Variants in CACNA2D1 observed in about 807,000 individuals in gnomAD.
The protein encoded by CACNA2D1 is calcium voltage-gated channel auxiliary subunit alpha2delta 1.
A neutral mutation model predicts 171.5 loss-of-function variants in CACNA2D1; 53 were observed. The observed-to-expected ratio is 0.31, with a 90% CI of 0.25 to 0.39. CACNA2D1 has a LOEUF of 0.39. CACNA2D1 is among the 10% of genes least tolerant of loss of function. The pLI is 1.00. For synonymous variants in CACNA2D1, 442 were observed against 443.1 expected (o/e 1.00, Z 0.03); for missense variants, 903 against 1,299.8 (o/e 0.69, Z 4.69).
chr7:81,998,168 T>A (rs1405725450), intron 18 of CACNA2D1, among the ~76,000 whole-genome samples: 9 of 151,966 alleles, frequency 5.9e-5, no homozygotes, highest in Admixed American at 3.9e-4. Flanking sequence ...ATGTAACATG[T>A]CATACTAAAA....
chr7:82,428,469 T>A (rs147898442), intron 1 of CACNA2D1, among the ~76,000 whole-genome samples: 56 of 152,308 alleles, frequency 3.7e-4, no homozygotes, highest in Non-Finnish European at 5.3e-4. Context: ...TTCCAGAGAT[T>A]TTCCCCTAGT....
At position 82,053,056 on chromosome 7, in the gene CACNA2D1, T is replaced by C. The variant is rs1584551808; in HGVS notation, c.879+7372A>G. Among the ~76,000 whole-genome samples the C allele has an allele frequency of 3.9e-5, 6 of 151,946 alleles. 1 individual carries two copies. The highest frequency in any genetic ancestry group is 3.9e-4 in the Admixed American group (6 of 15,250). On this transcript the variant is annotated intron_variant, in intron 10 of 38. Transcript: ENST00000356860. Reference sequence around the variant, plus strand: ...TCACAAGGTCAAGAGATTGAGACCATCCTGGCTAAGAGGGTGAAACCCCGT... The same window carrying C: ...TCACAAGGTCAAGAGATTGAGACCACCCTGGCTAAGAGGGTGAAACCCCGT...
At chr7:82,018,151 C>A (rs1278702936) in intron 12 of CACNA2D1, among the ~76,000 whole-genome samples, 1 of 152,098 alleles carries the variant, frequency 6.6e-6, no homozygotes, top group South Asian at 2.1e-4. Context: ...ATGGCTTTGA[C>A]AAATATTTTT....
chr7:82,235,769 AG>A (rs1282805895), intron 3 of CACNA2D1, among the ~76,000 whole-genome samples: 1 of 151,978 alleles, frequency 6.6e-6, no homozygotes, highest in Non-Finnish European at 1.5e-5. Flanking sequence ...TGGTGGTTGG[AG>A]GATATTTCGG....
intron 1 of CACNA2D1, among the ~76,000 whole-genome samples, chr7:82,410,224 T>A (rs1827499510): frequency 6.6e-6 from 1 of 152,176 alleles, no homozygotes; most frequent in Admixed American, 6.5e-5. Flanking sequence ...TGCAGAATTT[T>A]AGTAGAAAAA....
intron 3 of CACNA2D1, among the ~76,000 whole-genome samples, chr7:82,249,591 A>T (rs1415225259): frequency 6.6e-6 from 1 of 152,246 alleles, no homozygotes; most frequent in Non-Finnish European, 1.5e-5. Flanking sequence ...CCTCATAGTT[A>T]CAAAATGGTT....
At chr7:82,126,865 C>T (rs1584843367) in intron 5 of CACNA2D1, among the ~76,000 whole-genome samples, 1 of 152,238 alleles carries the variant, frequency 6.6e-6, no homozygotes, top group East Asian at 1.9e-4. Context: ...GCTGCAACAC[C>T]CAAATAAAGC....
At chr7:82,227,455 A>T (rs2129269361) in intron 3 of CACNA2D1, among the ~76,000 whole-genome samples, 1 of 152,344 alleles carries the variant, frequency 6.6e-6, no homozygotes, top group East Asian at 1.9e-4. Context: ...CATGTATCAG[A>T]TTAGTGATTA....
chr7:82,404,340 G>T (rs1044973024), intron 1 of CACNA2D1, among the ~76,000 whole-genome samples: 11 of 152,186 alleles, frequency 7.2e-5, no homozygotes, highest in African/African-American at 2.7e-4. Flanking sequence ...AGGGACAAAG[G>T]TCAGAACAGA....
intron 1 of CACNA2D1, among the ~76,000 whole-genome samples, chr7:82,352,537 TAATC>T (rs1819967921): frequency 1.3e-5 from 2 of 152,230 alleles, no homozygotes; most frequent in Admixed American, 1.3e-4. Flanking sequence ...TGTTCTTTGT[TAATC>T]CATTCAACAA....
chr7:82,105,762 C>T (rs917531888), intron 6 of CACNA2D1, among the ~76,000 whole-genome samples: 4 of 152,028 alleles, frequency 2.6e-5, no homozygotes, highest in African/African-American at 9.7e-5. Context: ...GTAGTAATGG[C>T]ACACTTCTTC....
intron 12 of CACNA2D1, among the ~76,000 whole-genome samples, chr7:82,032,144 A>G (rs1208337359): frequency 2.0e-5 from 3 of 151,970 alleles, no homozygotes; most frequent in Non-Finnish European, 4.4e-5. Flanking sequence ...TATCAGGTTC[A>G]ATGAGGTCCC....
intron 3 of CACNA2D1, among the ~76,000 whole-genome samples, chr7:82,330,301 A>G (rs540958752): frequency 3.1e-4 from 47 of 152,274 alleles, no homozygotes; most frequent in African/African-American, 1.0e-3. Flanking sequence ...AAAATATTAT[A>G]AAAGATAGGA....
chr7:82,142,914 T>C (rs373780998), intron 4 of CACNA2D1, among the ~76,000 whole-genome samples: 102 of 152,300 alleles, frequency 6.7e-4, no homozygotes, highest in Middle Eastern at 3.4e-3. Flanking sequence ...TTTGTAGCAA[T>C]TTGACTTAGC....
chr7:82,341,183 G>T (rs1818583368), intron 2 of CACNA2D1, among the ~76,000 whole-genome samples: 1 of 152,028 alleles, frequency 6.6e-6, no homozygotes, highest in African/African-American at 2.4e-5. Flanking sequence ...ATGATATAAT[G>T]TACTTTCTCG....
chr7:82,407,084 G>T (rs1165144036), intron 1 of CACNA2D1, among the ~76,000 whole-genome samples: 2 of 152,172 alleles, frequency 1.3e-5, no homozygotes, highest in Non-Finnish European at 1.5e-5. Context: ...TCCCACCAAA[G>T]AATGTGATTG....
chr7:82,310,150 A>G (rs943177710), intron 3 of CACNA2D1, among the ~76,000 whole-genome samples: 2 of 152,084 alleles, frequency 1.3e-5, no homozygotes, highest in East Asian at 3.9e-4. Context: ...AATGGTTTTC[A>G]TCTACAAACA....
intron 6 of CACNA2D1, among the ~76,000 whole-genome samples, chr7:82,093,393 T>A (rs906060556): frequency 6.6e-6 from 1 of 152,150 alleles, no homozygotes; most frequent in African/African-American, 2.4e-5. Flanking sequence ...ATATTTTTAA[T>A]TTATCTTGAT....
intron 3 of CACNA2D1, among the ~76,000 whole-genome samples, chr7:82,225,333 T>C (rs939865220): frequency 6.6e-5 from 10 of 152,160 alleles, no homozygotes; most frequent in South Asian, 2.1e-4. Context: ...AAAAGACTTA[T>C]TATAAAATTA....
Sources: gnomAD v4.1 joint callset for allele counts (sites outside exome capture counted in the v4.1 genomes callset) on GRCh38, gnomAD v4.1.1 for gene constraint, MANE v1.5 for transcripts, NCBI Gene and HGNC (gene_info 2026-07-23, HGNC 2026-07-21) for gene names.